BBS7: variants seen among roughly 807,000 people sequenced by gnomAD.
BBS7 encodes the protein Bardet-Biedl syndrome 7.
A neutral mutation model predicts 90.3 loss-of-function variants in BBS7; 50 were observed. The ratio of observed to expected loss-of-function variants is 0.55; its 90% CI spans 0.44 to 0.70. BBS7 has a LOEUF of 0.70. BBS7 is among the 30% of genes least tolerant of loss of function. The probability of loss-of-function intolerance (pLI) is 0.00; values close to 1 mark genes in which losing one functional copy is unlikely to be tolerated. For synonymous variants in BBS7, 235 were observed against 287.4 expected, an observed-to-expected ratio of 0.82 and a Z score of 1.85; for missense variants, 729 against 838.9, an observed-to-expected ratio of 0.87 and a Z score of 1.62.
rs1333438376 is a variant in BBS7 at position 121,855,506 on chromosome 4, A to G, written c.584T>C (p.Leu195Pro). The part of the protein sequence containing the change: ...EVPGPPTVLA[L>P]HNGNGGDSGE... ...CTGATTACCGCCATTTCCATTGTGT[A>G]GTGCTAAGACAGTAGGGGGTCCAGG... The change falls in exon 6 of 19, where the codon CTA becomes CCA. Residue 195 changes from leucine to proline, a missense_variant. Transcript: ENST00000264499. 1.2e-6 allele frequency: 2 copies of G among 1,613,444 alleles called. No homozygotes were observed. The highest frequency in any genetic ancestry group is 1.3e-5 in the African/African-American group (1 of 74,906).
At chr4:121,827,792 T>A in intron 18 of BBS7, 1 of 953,254 alleles carries the variant, frequency 1.0e-6, no homozygotes, top group Non-Finnish European at 1.3e-6. Context: ...TAATTCACAA[T>A]AGCAACAAAA....
chr4:121,868,994 G>C (rs1484999520), intron 1 of BBS7, among the ~76,000 whole-genome samples: 1 of 152,178 alleles, frequency 6.6e-6, no homozygotes, highest in Non-Finnish European at 1.5e-5. Context: ...CATCAATCTA[G>C]CAAGTGATGT....
intron 10 of BBS7, among the ~76,000 whole-genome samples, chr4:121,846,238 G>A (rs1482244776): frequency 6.6e-6 from 1 of 152,164 alleles, no homozygotes; most frequent in Non-Finnish European, 1.5e-5. Context: ...GAGTTAGAGA[G>A]GATTCTGCTG....
chr4:121,863,014 G>A (rs562325245), intron 3 of BBS7, among the ~76,000 whole-genome samples: 54 of 152,122 alleles, frequency 3.5e-4, no homozygotes, highest in Non-Finnish European at 4.7e-4. Flanking sequence ...AGTAACCCAC[G>A]ACCACAGGAT....
At chr4:121,837,598 C>A (rs998012240) in intron 13 of BBS7, among the ~76,000 whole-genome samples, 1 of 151,986 alleles carries the variant, frequency 6.6e-6, no homozygotes, top group African/African-American at 2.4e-5. Context: ...GAAATATATT[C>A]TGGGTTCTAT....
intron 18 of BBS7, among the ~76,000 whole-genome samples, chr4:121,827,460 T>A (rs1460031235): frequency 6.6e-6 from 1 of 152,178 alleles, no homozygotes; most frequent in Non-Finnish European, 1.5e-5. Flanking sequence ...TTAAAGCATA[T>A]GAAAAATGAA....
Position 121,861,630 on chromosome 4 carries a change from CCCAGTTCCAG to C in BBS7, c.205_214del (p.Leu69GlufsTer79). On this transcript the variant is annotated frameshift_variant, in exon 4 of 19. Transcript: ENST00000264499. LOFTEE classifies it high-confidence loss of function. Reference sequence around the variant, plus strand: ...CTCCTGAGGTGTGTTGATAACCCCTCCCAGTTCCAGCCTTGCAATCTTCGGCCCGGGTAAA... The same window carrying C: ...CTCCTGAGGTGTGTTGATAACCCCTCCCTTGCAATCTTCGGCCCGGGTAAA... 1 of 1,613,710 alleles carries C rather than the reference CCCAGTTCCAG, an allele frequency of 6.2e-7. No homozygotes were observed. The highest frequency in any genetic ancestry group is 2.2e-5 in the East Asian group (1 of 44,842).
intron 17 of BBS7, 43 bp from the exon 18 acceptor site, chr4:121,828,312 C>T (rs751753954): frequency 1.9e-6 from 3 of 1,596,870 alleles, no homozygotes; most frequent in Non-Finnish European, 2.6e-6. Flanking sequence ...ATTCAAAATT[C>T]AATCCAATGT....
chr4:121,856,634 C>T (rs974792922), intron 5 of BBS7, among the ~76,000 whole-genome samples: 3 of 152,024 alleles, frequency 2.0e-5, no homozygotes, highest in African/African-American at 7.2e-5. Context: ...ATTGCTTGAA[C>T]CCGGGAAGCA....
At chr4:121,863,969 G>A (rs1727125014) in intron 2 of BBS7, among the ~76,000 whole-genome samples, 1 of 152,204 alleles carries the variant, frequency 6.6e-6, no homozygotes, top group African/African-American at 2.4e-5. Flanking sequence ...ACAGCAGGAG[G>A]TGAGCAGCGG....
intron 13 of BBS7, among the ~76,000 whole-genome samples, chr4:121,837,098 TAC>T (rs1201892446): frequency 6.6e-6 from 1 of 152,158 alleles, no homozygotes; most frequent in Non-Finnish European, 1.5e-5. Flanking sequence ...TAGCTGGGAT[TAC>T]AGATGTGTGC....
chr4:121,863,311 T>C, intron 2 of BBS7, 32 bp from the exon 3 acceptor site: 4 of 1,507,762 alleles, frequency 2.7e-6, no homozygotes, highest in Middle Eastern at 1.7e-4. Context: ...CTAAAATTAC[T>C]ATTATTAATA....
In BBS7 at chr4:121,835,026, GTTTA is replaced by G. The variant is rs777056078; in HGVS notation, c.1511+114_1511+117del. On this transcript the variant is annotated intron_variant, in intron 14 of 18. Transcript: ENST00000264499. ...ATATTAAATCTATAATATTTAAACT[GTTTA>G]TTTAATTTTTAAAAGTAGAAATTGC... 1.1e-4 allele frequency: 107 copies of G among 1,015,610 alleles called. No individual in the cohort carries two copies. The South Asian group carries it at 1.3e-3, about 12-fold the overall frequency. 62.9% of individuals were successfully genotyped at this position (1,015,610 alleles called of 1,614,324 possible). A position where few individuals can be genotyped will look rare whatever the true frequency, so the allele number is the denominator to read the frequency against.
chr4:121,857,224 A>C (rs184654427), intron 5 of BBS7, among the ~76,000 whole-genome samples: 94 of 151,808 alleles, frequency 6.2e-4, no homozygotes, highest in African/African-American at 2.2e-3. Flanking sequence ...TCTGGGCTCA[A>C]ATGATGTTCC....
intron 1 of BBS7, 93 bp from the exon 2 acceptor site, chr4:121,868,139 T>G (rs1490149023): frequency 1.1e-6 from 1 of 949,264 alleles, no homozygotes. Context: ...TAAACTGAAA[T>G]TAGTGATATA....
intron 13 of BBS7, 63 bp downstream of exon 13, chr4:121,839,568 G>T: frequency 1.6e-6 from 2 of 1,273,058 alleles, no homozygotes; most frequent in South Asian, 1.2e-5. Flanking sequence ...TATGTTGTAA[G>T]ACATACCAGC....
At chr4:121,870,095 T>A (rs956620092) in intron 1 of BBS7, among the ~76,000 whole-genome samples, 183 bp downstream of exon 1, 1 of 152,100 alleles carries the variant, frequency 6.6e-6, no homozygotes, top group Admixed American at 6.5e-5. Flanking sequence ...CCCGGTCCCC[T>A]CGGACCGTCA....
At chr4:121,838,790 G>A (rs1366368082) in intron 13 of BBS7, among the ~76,000 whole-genome samples, 1 of 151,580 alleles carries the variant, frequency 6.6e-6, no homozygotes, top group Non-Finnish European at 1.5e-5. Context: ...AGCTACTCAG[G>A]AGGCTGAGGC....
At chr4:121,864,123 G>A (rs182310577) in intron 2 of BBS7, among the ~76,000 whole-genome samples, 72 of 152,284 alleles carry the variant, frequency 4.7e-4, no homozygotes, top group Middle Eastern at 6.8e-3. Context: ...ATGATCTGAG[G>A]TAGAACACAG....
Sources: allele counts gnomAD v4.1 joint callset (sites outside exome capture counted in the v4.1 genomes callset), GRCh38; gene constraint gnomAD v4.1.1; transcripts MANE v1.5; gene names NCBI Gene and HGNC (gene_info 2026-07-23, HGNC 2026-07-21).